Variants in PALM2AKAP2 observed in about 807,000 individuals in gnomAD.
The protein encoded by PALM2AKAP2 is PALM2 and AKAP2 fusion, also known as PALM2-AKAP2 fusion protein.
A neutral mutation model predicts 71.5 loss-of-function variants in PALM2AKAP2; 37 were observed. That is an observed-to-expected ratio of 0.52 (90% CI 0.40 to 0.68). The LOEUF (loss-of-function observed/expected upper bound fraction) is 0.68, where lower values mean the gene tolerates loss of function less well. Among genes scored for constraint, PALM2AKAP2 ranks in the 30% least tolerant of loss-of-function variants. The pLI is 0.00. For synonymous variants in PALM2AKAP2, 468 were observed against 478.8 expected, an observed-to-expected ratio of 0.98 and a Z score of 0.29; for missense variants, 1,224 against 1,191.8, an observed-to-expected ratio of 1.03 and a Z score of -0.40.
Position 110,108,807 on chromosome 9 carries a change from G to A in PALM2AKAP2, c.157-27320G>A, listed in dbSNP as rs540374374. ...AGTTATATATTGCACGACAATAAAA[G>A]AAAGTGTATCAAAATTATGCCCCTG... On this transcript the variant is annotated intron_variant, in intron 1 of 3. Coordinates refer to ENST00000374525, the Ensembl canonical transcript of PALM2AKAP2. 5.1e-4 allele frequency among the ~76,000 whole-genome samples: 78 copies of A among 152,174 alleles called. No homozygotes were observed. The Middle Eastern group carries it at 0.017, about 33-fold the overall frequency.
At chr9:110,000,318 C>T (rs1228297404) in intron 6 of PALM2AKAP2, among the ~76,000 whole-genome samples, 3 of 152,130 alleles carry the variant, frequency 2.0e-5, no homozygotes, top group East Asian at 3.8e-4. Context: ...CAGCTTCATC[C>T]ATGTCCATAA....
chr9:110,165,589 G>A (rs1836714826), intron 3 of PALM2AKAP2, among the ~76,000 whole-genome samples: 1 of 152,074 alleles, frequency 6.6e-6, no homozygotes, highest in Admixed American at 6.5e-5. Context: ...ATGGTAAATG[G>A]GCATACATAC....
intron 1 of PALM2AKAP2, among the ~76,000 whole-genome samples, chr9:109,827,179 T>C (rs555138811): frequency 1.3e-5 from 2 of 152,244 alleles, no homozygotes; most frequent in Admixed American, 6.5e-5. Context: ...TGTAGGCAGT[T>C]GTAGTTTCCA....
exon 2 of PALM2AKAP2, chr9:110,137,366 G>A (rs777949991): frequency 2.9e-5 from 46 of 1,613,992 alleles, no homozygotes; most frequent in South Asian, 7.7e-5. Context: ...ACCTTCTGTC[G>A]GGGGACCTCC....
At chr9:109,824,711 CA>C (rs1343263001) in intron 1 of PALM2AKAP2, among the ~76,000 whole-genome samples, 1 of 152,130 alleles carries the variant, frequency 6.6e-6, no homozygotes, top group African/African-American at 2.4e-5. Context: ...CAAAAACAGG[CA>C]GATGTATGTA....
upstream of PALM2AKAP2, among the ~76,000 whole-genome samples, chr9:109,776,231 G>C (rs914528731): frequency 6.6e-6 from 1 of 152,162 alleles, no homozygotes; most frequent in African/African-American, 2.4e-5. Context: ...TGGGTTCAAA[G>C]ATTTTAAAAT....
chr9:109,646,981 G>A lies in PALM2AKAP2; in HGVS notation c.5+6115G>A, dbSNP rs190544398. Among the ~76,000 whole-genome samples, 271 of 152,214 alleles carry A rather than the reference G, an allele frequency of 1.8e-3. 3 individuals are homozygous for A. Among genetic ancestry groups the A allele is most frequent in the African/African-American group, 6.0e-3 (249 of 41,550 alleles). On this transcript the variant is annotated intron_variant, in intron 1 of 6. Transcript: ENST00000374531. Reference sequence around the variant, plus strand: ...CTTTTTAAAACAATTCAAATATTACGGAAGTTTATGAAGTAAATATCCCCA... The same window carrying A: ...CTTTTTAAAACAATTCAAATATTACAGAAGTTTATGAAGTAAATATCCCCA...
chr9:109,730,794 G>A (rs1459255172), intron 1 of PALM2AKAP2, among the ~76,000 whole-genome samples: 2 of 152,110 alleles, frequency 1.3e-5, no homozygotes, highest in African/African-American at 4.8e-5. Flanking sequence ...AATCTCCAAA[G>A]ATGTTAGGCT....
chr9:110,160,805 G>A (rs1836576796), intron 3 of PALM2AKAP2, among the ~76,000 whole-genome samples: 2 of 152,256 alleles, frequency 1.3e-5, no homozygotes, highest in Admixed American at 6.5e-5. Flanking sequence ...TTTTAGCGCA[G>A]GATCTGCCCT....
chr9:110,017,034 C>T (rs929532625), intron 7 of PALM2AKAP2, among the ~76,000 whole-genome samples: 1 of 152,042 alleles, frequency 6.6e-6, no homozygotes, highest in Non-Finnish European at 1.5e-5. Flanking sequence ...CGCCAGCCAC[C>T]GTGCCTGGCT....
chr9:110,138,831 T>G (rs539552025), intron 2 of PALM2AKAP2, among the ~76,000 whole-genome samples: 1 of 152,346 alleles, frequency 6.6e-6, no homozygotes, highest in South Asian at 2.1e-4. Context: ...CTCTTTTACT[T>G]GAAAGCCTGC....
intron 3 of PALM2AKAP2, among the ~76,000 whole-genome samples, chr9:109,922,088 C>T (rs1273726339): frequency 6.6e-6 from 1 of 151,814 alleles, no homozygotes; most frequent in Non-Finnish European, 1.5e-5. Context: ...TATTTTAGGT[C>T]TAAGTCTAAT....
At chr9:109,992,585 AT>A (rs1165606676) in intron 6 of PALM2AKAP2, among the ~76,000 whole-genome samples, 1 of 152,066 alleles carries the variant, frequency 6.6e-6, no homozygotes, top group Non-Finnish European at 1.5e-5. Flanking sequence ...CAACCAGCTA[AT>A]TTTTGTATTC....
At chr9:109,766,039 GAGGC>G (rs2118750513) in intron 1 of PALM2AKAP2, among the ~76,000 whole-genome samples, 1 of 152,314 alleles carries the variant, frequency 6.6e-6, no homozygotes, top group East Asian at 1.9e-4. Flanking sequence ...CCAGGGAGGA[GAGGC>G]AGGCAGGCTG....
At chr9:109,993,473 T>C (rs1365542032) in intron 6 of PALM2AKAP2, among the ~76,000 whole-genome samples, 2 of 152,230 alleles carry the variant, frequency 1.3e-5, no homozygotes, top group Non-Finnish European at 1.5e-5. Context: ...TGCCCATCCC[T>C]AAACTTGTCA....
chr9:110,125,336 C>G (rs1050881437), intron 1 of PALM2AKAP2, among the ~76,000 whole-genome samples: 3 of 152,200 alleles, frequency 2.0e-5, no homozygotes, highest in Non-Finnish European at 4.4e-5. Flanking sequence ...AGGAGCAGGC[C>G]GGGCCTGCTC....
intron 6 of PALM2AKAP2, among the ~76,000 whole-genome samples, chr9:110,014,806 G>GTATATATA (rs34408706): frequency 4.8e-5 from 2 of 41,548 alleles, no homozygotes; most frequent in Non-Finnish European, 7.2e-5. Flanking sequence ...AAAAAAAAAT[G>GTATATATA]TATATATATA....
At chr9:110,046,039 A>G (rs76368717), upstream of PALM2AKAP2, among the ~76,000 whole-genome samples, 1,993 of 152,344 alleles carry the variant, frequency 0.013, 40 homozygotes, top group African/African-American at 0.046. Flanking sequence ...CGTGACAATA[A>G]GAAATGTCTC....
intron 1 of PALM2AKAP2, among the ~76,000 whole-genome samples, chr9:110,062,819 G>A (rs1265119414): frequency 6.6e-6 from 1 of 152,216 alleles, no homozygotes; most frequent in Admixed American, 6.5e-5. Context: ...AAAGGGAAAA[G>A]TCAAGCTGAG....
Sources: gnomAD v4.1 joint callset for allele counts (sites outside exome capture counted in the v4.1 genomes callset) on GRCh38, gnomAD v4.1.1 for gene constraint, MANE v1.5 for transcripts, NCBI Gene and HGNC (gene_info 2026-07-23, HGNC 2026-07-21) for gene names.